The following LRFN2 variants were observed in gnomAD, a reference collection of about 807,000 sequenced individuals.
The protein encoded by LRFN2 is leucine-rich repeat and fibronectin type-III domain-containing protein 2.
LRFN2 carries 18 observed loss-of-function variants against 37.3 expected under a neutral mutation model. The ratio of observed to expected loss-of-function variants is 0.48; its 90% confidence interval spans 0.33 to 0.72. LRFN2 has a LOEUF of 0.72. LRFN2 is among the 30% of genes least tolerant of loss of function. The pLI is 0.02. For synonymous variants in LRFN2, 556 were observed against 466.6 expected (o/e 1.19, Z -2.47); for missense variants, 1,006 against 1,060.7 (o/e 0.95, Z 0.72).
intron 1 of LRFN2, among the ~76,000 whole-genome samples, chr6:40,555,244 C>A (rs1045862906): frequency 1.3e-5 from 2 of 152,288 alleles, no homozygotes; most frequent in East Asian, 3.9e-4. Flanking sequence ...CGGGAAGAAG[C>A]CATGCCAGTG....
At chr6:40,493,987 G>A (rs1176808138) in intron 1 of LRFN2, among the ~76,000 whole-genome samples, 1 of 152,202 alleles carries the variant, frequency 6.6e-6, no homozygotes, top group Non-Finnish European at 1.5e-5. Flanking sequence ...CTGTGGTTCT[G>A]GAAAAGCCCA....
rs1397118294 is a variant in LRFN2 at position 40,432,811 on chromosome 6, G to C, written c.303C>G (p.Ser101Arg). 2 of 1,614,208 alleles carry C rather than the reference G, an allele frequency of 1.2e-6. No individual in the cohort carries two copies. The highest frequency in any genetic ancestry group is 1.7e-5 in the Admixed American group (1 of 60,018). Residue 101 changes from serine to arginine, a missense_variant, in exon 2 of 3, where the codon AGC becomes AGG. Coordinates refer to ENST00000338305, the MANE Select transcript of LRFN2 (RefSeq NM_020737.3). ...TGCTGTCAAGATGCAGGGAGCGGAG[G>C]CTCTCGAGGTCCAGAAAGGAAAAGG... ...IQPFSFLDLE[S>R]LRSLHLDSNR...
chr6:40,563,974 T>C (rs918734631), intron 1 of LRFN2, among the ~76,000 whole-genome samples: 2 of 152,178 alleles, frequency 1.3e-5, no homozygotes, highest in Admixed American at 1.3e-4. Flanking sequence ...CCAACCGTGG[T>C]CCAGGCACTG....
intron 1 of LRFN2, among the ~76,000 whole-genome samples, chr6:40,461,600 A>T (rs1207622569): frequency 1.4e-5 from 2 of 142,980 alleles, no homozygotes; most frequent in Middle Eastern, 3.7e-3. Flanking sequence ...AAAAAAAAAA[A>T]CCCTCCCTTC....
At chr6:40,576,509 G>A (rs114583167) in intron 1 of LRFN2, among the ~76,000 whole-genome samples, 9,127 of 152,300 alleles carry the variant, frequency 0.06, 320 homozygotes, top group African/African-American at 0.066. Context: ...GATAACTCAT[G>A]CCTCAAGCTG....
intron 1 of LRFN2, among the ~76,000 whole-genome samples, chr6:40,557,133 T>C (rs1766905665): frequency 6.6e-6 from 1 of 152,188 alleles, no homozygotes; most frequent in East Asian, 1.9e-4. Context: ...GCCTTTGGGA[T>C]GGGGCAGCTG....
chr6:40,461,405 C>T (rs910017600), intron 1 of LRFN2, among the ~76,000 whole-genome samples: 6 of 151,932 alleles, frequency 3.9e-5, no homozygotes, highest in African/African-American at 1.5e-4. Context: ...GAGACCCTGA[C>T]TCTAAAAAAA....
intron 1 of LRFN2, among the ~76,000 whole-genome samples, chr6:40,495,708 T>A (rs1418720608): frequency 6.6e-6 from 1 of 152,172 alleles, no homozygotes; most frequent in Non-Finnish European, 1.5e-5. Flanking sequence ...CATGGGTTGT[T>A]CCTTTCCAGC....
chr6:40,583,194 A>C (rs1767436720), intron 1 of LRFN2, among the ~76,000 whole-genome samples: 1 of 53,598 alleles, frequency 1.9e-5, no homozygotes, highest in Non-Finnish European at 3.9e-5. Context: ...TATAGTGTAT[A>C]TATAGACATA....
Position 40,434,627 on chromosome 6 carries a change from C to CAG in LRFN2, c.-18-1497_-18-1496insCT, listed in dbSNP as rs1206322833. Among the ~76,000 whole-genome samples, 6 of 152,114 alleles carry CAG rather than the reference C, an allele frequency of 3.9e-5. No homozygotes were observed. In the East Asian group the frequency reaches 1.2e-3, roughly 30 times the overall value. On this transcript the variant is annotated intron_variant, in intron 1 of 2. Coordinates refer to ENST00000338305, the MANE Select transcript of LRFN2 (RefSeq NM_020737.3). The stretch of plus-strand genomic sequence containing the variant: ...AAATAGCTGGGACTACAGGCACACA[C>CAG]CACCATGCCCAGCTAACTTTTTGTA...
chr6:40,511,466 A>G (rs1248653087), intron 1 of LRFN2, among the ~76,000 whole-genome samples: 2 of 152,168 alleles, frequency 1.3e-5, no homozygotes, highest in East Asian at 3.8e-4. Flanking sequence ...CACGGGAAGT[A>G]GGGGCAGTGG....
chr6:40,432,471 C>G lies in LRFN2; in HGVS notation c.643G>C (p.Asp215His), dbSNP rs749682070. The G allele has an allele frequency of 1.9e-6, 3 of 1,614,090 alleles. No homozygotes were observed. Among genetic ancestry groups the G allele is most frequent in the Non-Finnish European group, 2.5e-6 (3 of 1,180,046 alleles). Residue 215 changes from aspartate (D) to histidine (H), a missense_variant, in exon 2 of 3, where the codon GAT becomes CAT. By Grantham distance (81) the Asp-to-His change is moderately conservative. Transcript: ENST00000338305. ...GCCTGGGAGCGGGCAAAGATGGGAT[C>G]AGGGGGCAGCTTCTGCAGCCGATTG... ...TSNRLQKLPP[D>H]PIFARSQASA...
chr6:40,530,560 C>G (rs1408247398), intron 1 of LRFN2, among the ~76,000 whole-genome samples: 12 of 152,062 alleles, frequency 7.9e-5, no homozygotes, highest in Admixed American at 7.9e-4. Context: ...AGTTTGTCCT[C>G]TCTCTGATCA....
chr6:40,469,234 A>G (rs1341046384), intron 1 of LRFN2, among the ~76,000 whole-genome samples: 1 of 152,148 alleles, frequency 6.6e-6, no homozygotes, highest in Non-Finnish European at 1.5e-5. Context: ...AGAGGCAAGG[A>G]AGGCTTCTCC....
chr6:40,391,879 G>T lies in LRFN2; in HGVS notation c.*64C>A. On this transcript the variant is annotated 3_prime_UTR_variant, in exon 3 of 3. Transcript: ENST00000338305. ...CACCATGGAAACTCCACAAACACTT[G>T]CCAGTGAGATTCTTTCCCCTTCTCC... The T allele has an allele frequency of 1.4e-6, 2 of 1,450,672 alleles. No individual in the cohort carries two copies. The highest frequency in any genetic ancestry group is 1.8e-6 in the Non-Finnish European group (2 of 1,089,866). The allele number at this position is 1,450,672 out of a possible 1,614,324, so 89.9% of individuals were successfully genotyped here.
chr6:40,478,847 A>G (rs1764764150), intron 1 of LRFN2, among the ~76,000 whole-genome samples: 1 of 152,258 alleles, frequency 6.6e-6, no homozygotes. Context: ...ATTTGGAACC[A>G]GCTAGTGGTT....
At chr6:40,412,339 T>C (rs977193284) in intron 2 of LRFN2, among the ~76,000 whole-genome samples, 22 of 152,144 alleles carry the variant, frequency 1.4e-4, no homozygotes, top group African/African-American at 4.6e-4. Context: ...ATGAATTATT[T>C]ATCAGGAAAT....
intron 1 of LRFN2, among the ~76,000 whole-genome samples, chr6:40,548,820 T>C (rs1330253428): frequency 6.6e-6 from 1 of 152,214 alleles, no homozygotes; most frequent in Non-Finnish European, 1.5e-5. Flanking sequence ...ATAGCCATCT[T>C]GCTACCATGA....
intron 2 of LRFN2, among the ~76,000 whole-genome samples, chr6:40,417,718 G>T (rs1763127332): frequency 6.6e-6 from 1 of 152,082 alleles, no homozygotes; most frequent in South Asian, 2.1e-4. Context: ...ATAGGCCCAA[G>T]GATTCTGCCA....
Sources: gnomAD v4.1 joint callset for allele counts (sites outside exome capture counted in the v4.1 genomes callset) on GRCh38, gnomAD v4.1.1 for gene constraint, MANE v1.5 for transcripts, NCBI Gene and HGNC (gene_info 2026-07-23, HGNC 2026-07-21) for gene names.